The following UBXN4 variants were observed in gnomAD, a reference collection of about 807,000 sequenced individuals.
The protein encoded by UBXN4 is UBX domain-containing protein 4.
In UBXN4, 35 loss-of-function variants were observed where a neutral mutation model predicts 66.2. The ratio of observed to expected loss-of-function variants is 0.53; its 90% CI spans 0.40 to 0.70. UBXN4 has a LOEUF of 0.70. Among genes scored for constraint, UBXN4 ranks in the 30% least tolerant of loss-of-function variants. The probability of loss-of-function intolerance (pLI) is 0.00; values close to 1 mark genes in which losing one functional copy is unlikely to be tolerated. For synonymous variants in UBXN4, 203 were observed against 204.5 expected, an observed-to-expected ratio of 0.99 and a Z score of 0.06; for missense variants, 533 against 599.8, an observed-to-expected ratio of 0.89 and a Z score of 1.16.
chr2:135,776,755 C>T (rs571686109), intron 10 of UBXN4, among the ~76,000 whole-genome samples: 13 of 151,928 alleles, frequency 8.6e-5, no homozygotes, highest in South Asian at 2.1e-4. Context: ...CTGCCATGCC[C>T]GGCTAATTTT....
At chr2:135,779,897 AATATAATAT>A (rs984913132) in intron 11 of UBXN4, among the ~76,000 whole-genome samples, 6 of 138,500 alleles carry the variant, frequency 4.3e-5, no homozygotes, top group South Asian at 2.4e-4. Context: ...TATTATATAA[AATATAATAT>A]ATATAATATA....
rs1330978466 is a variant in UBXN4 at position 135,761,881 on chromosome 2, C to T, written c.572C>T (p.Pro191Leu). 2 of 1,613,480 alleles carry T rather than the reference C, an allele frequency of 1.2e-6. No homozygotes were observed. Among genetic ancestry groups the T allele is most frequent in the Non-Finnish European group, 1.7e-6 (2 of 1,179,882 alleles). The change falls in exon 6 of 13, where the codon CCT becomes CTT. Residue 191 changes from proline (P) to leucine (L), a missense_variant. This residue lies in a region of UBXN4 where 529 missense variants were observed against 580.1 expected (regional missense o/e 0.91). Coordinates refer to ENST00000272638, the MANE Select transcript of UBXN4 (RefSeq NM_014607.4). Reference sequence around the variant, plus strand: ...CCTAGTGGATGCTCAGATCAGAGACCTGCAGAGGACCTCAACATCCGAGTG... The same window carrying T: ...CCTAGTGGATGCTCAGATCAGAGACTTGCAGAGGACCTCAACATCCGAGTG... ...QEPSGCSDQR[P>L]AEDLNIRVER...
intron 1 of UBXN4, among the ~76,000 whole-genome samples, chr2:135,745,222 C>T (rs1438305): frequency 1.3e-5 from 2 of 151,274 alleles, no homozygotes; most frequent in East Asian, 2.0e-4. Context: ...ACTCTTCAGT[C>T]TCTTCTTGAG....
chr2:135,779,054 C>A lies in UBXN4; in HGVS notation c.1160C>A (p.Pro387Gln). 1 of 1,613,366 alleles carries A rather than the reference C, an allele frequency of 6.2e-7. No individual in the cohort carries two copies. The highest frequency in any genetic ancestry group is 8.5e-7 in the Non-Finnish European group (1 of 1,179,722). ...AAGTTACTGGATTTGGAACTTGCCCCAAGCGCTTCGGTGGTACTGTTGCCA... is the reference window on the plus strand; with the variant it reads ...AAGTTACTGGATTTGGAACTTGCCCAAAGCGCTTCGGTGGTACTGTTGCCA... ...KKKLLDLELA[P>Q]SASVVLLPAG... is the part of the protein sequence containing the mutation. Residue 387 changes from proline (P) to glutamine (Q), a missense_variant, in exon 11 of 13, where the codon CCA (proline) becomes CAA (glutamine). Around this residue, in one of 2 missense-constraint regions of UBXN4, gnomAD observed 529 missense variants for 580.1 expected, o/e 0.91. Transcript: ENST00000272638.
intron 2 of UBXN4, among the ~76,000 whole-genome samples, chr2:135,751,196 A>AT (rs559526036): frequency 8.2e-5 from 10 of 122,630 alleles, no homozygotes; most frequent in African/African-American, 1.5e-4. Context: ...TTTATTTTTT[A>AT]TTTTTTTTGA....
chr2:135,784,236 G>C lies in UBXN4; in HGVS notation c.*1349G>C, dbSNP rs370474295. 2 of 152,286 alleles carry C rather than the reference G, an allele frequency of 1.3e-5. No individual in the cohort carries two copies. 9.4% of individuals were successfully genotyped at this position (152,286 alleles called of 1,614,324 possible). On this transcript the variant is annotated 3_prime_UTR_variant, in exon 13 of 13. Coordinates refer to ENST00000272638, the MANE Select transcript of UBXN4 (RefSeq NM_014607.4). Reference sequence around the variant, plus strand: ...GTTTAGGTAAAGACATACTCATTAAGTGTTATTTATTTTACTCAAGAACTG... The same window carrying C: ...GTTTAGGTAAAGACATACTCATTAACTGTTATTTATTTTACTCAAGAACTG...
chr2:135,767,335 TG>T (rs1450310264), intron 6 of UBXN4, among the ~76,000 whole-genome samples: 1 of 151,858 alleles, frequency 6.6e-6, no homozygotes, highest in Non-Finnish European at 1.5e-5. Flanking sequence ...CACTCCAGCC[TG>T]GGCGACAAAG....
rs1184837304 is a variant in UBXN4 at position 135,750,797 on chromosome 2, C to T, written c.185+2428C>T. 2.1e-5 allele frequency among the ~76,000 whole-genome samples: 3 copies of T among 143,484 alleles called. No homozygotes were observed. In the East Asian group the frequency reaches 6.4e-4, roughly 31 times the overall value. 94.1% of individuals were successfully genotyped at this position (143,484 alleles called of 152,430 possible). On this transcript the variant is annotated intron_variant, in intron 2 of 12. Coordinates refer to ENST00000272638, the MANE Select transcript of UBXN4 (RefSeq NM_014607.4). The stretch of plus-strand genomic sequence containing the variant: ...GGGAATGTGCAATACATGAGAATTC[C>T]AGAATTCTTGAGATTGTATACAGAC...
chr2:135,776,150 T>A, intron 9 of UBXN4, 99 bp from the exon 10 acceptor site: 1 of 925,204 alleles, frequency 1.1e-6, no homozygotes. Context: ...AAAAAACTAT[T>A]GTCATTGCAC....
Position 135,780,307 on chromosome 2 carries a change from C to T in UBXN4, c.1310C>T (p.Pro437Leu), listed in dbSNP as rs769939888. The T allele has an allele frequency of 5.2e-5, 84 of 1,613,902 alleles. No homozygotes were observed. Among genetic ancestry groups the T allele is most frequent in the Admixed American group, 1.3e-4 (8 of 59,978 alleles). Residue 437 changes from proline (P) to leucine (L), a missense_variant, in exon 12 of 13, where the codon CCG (proline) becomes CTG (leucine). Physicochemically the swap from Pro to Leu is moderately conservative, Grantham distance 98 (BLOSUM62 -3). Around this residue, in one of 2 missense-constraint regions of UBXN4, gnomAD observed 529 missense variants for 580.1 expected, o/e 0.91. Coordinates refer to ENST00000272638, the MANE Select transcript of UBXN4 (RefSeq NM_014607.4). ...RLISNFLFSN[P>L]PPTQTSVRVT... ...ATTAGCAATTTCTTGTTTAGTAATC[C>T]GCCTCCCACACAGACTTCAGTGAGA...
At chr2:135,752,399 C>A (rs2077248481) in intron 2 of UBXN4, among the ~76,000 whole-genome samples, 1 of 152,000 alleles carries the variant, frequency 6.6e-6, no homozygotes. Flanking sequence ...CCAGGCTGGT[C>A]ACGAACTCCT....
At chr2:135,779,380 C>T (rs1018112523) in intron 11 of UBXN4, among the ~76,000 whole-genome samples, 2 of 152,232 alleles carry the variant, frequency 1.3e-5, no homozygotes, top group African/African-American at 2.4e-5. Flanking sequence ...GTCTAATCCA[C>T]ACACTTAGTG....
chr2:135,760,144 A>G (rs2077306385), intron 5 of UBXN4, among the ~76,000 whole-genome samples: 2 of 152,280 alleles, frequency 1.3e-5, no homozygotes, highest in East Asian at 1.9e-4. Context: ...GGTCACCCAT[A>G]AAGTTACACA....
At chr2:135,750,002 G>A (rs1431651833) in intron 2 of UBXN4, among the ~76,000 whole-genome samples, 1 of 152,126 alleles carries the variant, frequency 6.6e-6, no homozygotes, top group Non-Finnish European at 1.5e-5. Flanking sequence ...GTAGATTCAG[G>A]TTTGTTTCCC....
chr2:135,767,180 G>A (rs989015973), intron 6 of UBXN4, among the ~76,000 whole-genome samples: 10 of 152,170 alleles, frequency 6.6e-5, no homozygotes, highest in African/African-American at 2.4e-4. Context: ...TGCCAACACA[G>A]TGCAACCTTG....
intron 1 of UBXN4, among the ~76,000 whole-genome samples, chr2:135,744,663 T>G (rs1019693124): frequency 6.6e-6 from 1 of 152,214 alleles, no homozygotes; most frequent in African/African-American, 2.4e-5. Context: ...TATGAGGGTC[T>G]GCAACTCTTT....
intron 6 of UBXN4, among the ~76,000 whole-genome samples, chr2:135,763,949 AC>A (rs2077331982): frequency 6.6e-6 from 1 of 151,736 alleles, no homozygotes; most frequent in Non-Finnish European, 1.5e-5. Context: ...ACGTGGCGAA[AC>A]CCTGTCTCTA....
intron 1 of UBXN4, among the ~76,000 whole-genome samples, chr2:135,745,138 G>A (rs907253858): frequency 1.3e-4 from 20 of 152,218 alleles, no homozygotes; most frequent in African/African-American, 4.6e-4. Flanking sequence ...TTCTCCCAGT[G>A]TTCTGCATCT....
At chr2:135,758,243 T>A (rs944678698) in intron 5 of UBXN4, among the ~76,000 whole-genome samples, 4 of 152,036 alleles carry the variant, frequency 2.6e-5, no homozygotes, top group African/African-American at 7.2e-5. Context: ...CCTGGCTAAT[T>A]TTGTATTTTT....
Sources: gnomAD v4.1 joint callset for allele counts (sites outside exome capture counted in the v4.1 genomes callset) on GRCh38, gnomAD v4.1.1 for gene constraint, gnomAD v4.1.1 regional missense constraint, MANE v1.5 for transcripts, NCBI Gene and HGNC (gene_info 2026-07-23, HGNC 2026-07-21) for gene names.